The following PDPR variants were observed in gnomAD, a reference collection of about 807,000 sequenced individuals.
The protein encoded by PDPR is pyruvate dehydrogenase phosphatase regulatory subunit.
Under a neutral mutation model 102.2 loss-of-function variants are expected in PDPR, and 50 were observed. That is an observed-to-expected ratio of 0.49 (90% confidence interval 0.39 to 0.62). The LOEUF is 0.62. PDPR is among the 20% of genes least tolerant of loss of function. The pLI is 0.00. For missense variants in PDPR, 625 were observed against 1,098.2 expected (o/e 0.57, Z 6.09); for synonymous variants, 259 against 406.0 (o/e 0.64, Z 4.35).
In PDPR at chr16:70,156,948, C is replaced by A; in HGVS notation, c.*69C>A. ...GAGTGGGCGTCACCTTGGAGCTTCTCTTCCTTCCGCCTCTGTTCCTCTTCT... is the reference window on the plus strand; with the variant it reads ...GAGTGGGCGTCACCTTGGAGCTTCTATTCCTTCCGCCTCTGTTCCTCTTCT... On this transcript the variant is annotated 3_prime_UTR_variant, in exon 19 of 19. Coordinates refer to ENST00000288050, the MANE Select transcript of PDPR (RefSeq NM_017990.5). 4.5e-6 allele frequency: 7 copies of A among 1,556,918 alleles called. No individual in the cohort carries two copies. Among genetic ancestry groups the A allele is most frequent in the Non-Finnish European group, 6.1e-6 (7 of 1,144,132 alleles).
intron 3 of PDPR, among the ~76,000 whole-genome samples, chr16:70,123,380 G>C (rs1386332758): frequency 6.6e-6 from 1 of 152,202 alleles, no homozygotes; most frequent in Non-Finnish European, 1.5e-5. Flanking sequence ...GGGACTACAG[G>C]CATGCACTAC....
At chr16:70,119,189 A>G (rs1310737427) in intron 2 of PDPR, among the ~76,000 whole-genome samples, 9 of 152,182 alleles carry the variant, frequency 5.9e-5, no homozygotes, top group Admixed American at 1.3e-4. Context: ...GTCCAAGGGC[A>G]GTGGTTCATG....
At position 70,162,112 on chromosome 16, in the gene PDPR, C is replaced by G. The variant is rs1458839090; in HGVS notation, c.*5233C>G. 1 of 152,428 alleles carries G rather than the reference C, an allele frequency of 6.6e-6. No homozygotes were observed. Among genetic ancestry groups the G allele is most frequent in the African/African-American group, 2.4e-5 (1 of 41,458 alleles). 9.4% of individuals were successfully genotyped at this position (152,428 alleles called of 1,614,324 possible). ...TCGGTGTGTGGGTTCCCATCCGCCCCACATAGCCTCTCCTTCTTCGGAACA... is the reference window on the plus strand; with the variant it reads ...TCGGTGTGTGGGTTCCCATCCGCCCGACATAGCCTCTCCTTCTTCGGAACA... On this transcript the variant is annotated 3_prime_UTR_variant, in exon 19 of 19. Coordinates refer to ENST00000288050, the MANE Select transcript of PDPR (RefSeq NM_017990.5).
chr16:70,120,526 A>G lies in PDPR; in HGVS notation c.34A>G (p.Arg12Gly). The change falls in exon 3 of 19, where the codon AGA (arginine) becomes GGA (glycine). Residue 12 changes from arginine to glycine, a missense_variant. By Grantham distance (125) the Arg-to-Gly change is moderately radical. Coordinates refer to ENST00000288050, the MANE Select transcript of PDPR (RefSeq NM_017990.5). ...MFYRLLSIVG[R>G]QRASPGWQNW... ...CTACCGGTTGCTGTCGATTGTTGGAAGACAAAGAGCCAGCCCAGGATGGCA... is the reference window on the plus strand; with the variant it reads ...CTACCGGTTGCTGTCGATTGTTGGAGGACAAAGAGCCAGCCCAGGATGGCA... The G allele has an allele frequency of 1.2e-6, 2 of 1,614,010 alleles. No individual in the cohort carries two copies. The highest frequency in any genetic ancestry group is 1.7e-6 in the Non-Finnish European group (2 of 1,179,888).
intron 6 of PDPR, 106 bp downstream of exon 6, chr16:70,129,228 T>C (rs1452272597): frequency 6.2e-7 from 1 of 1,608,044 alleles, no homozygotes; most frequent in East Asian, 2.2e-5. Context: ...GGAAAGATTA[T>C]CCTCTTTGGG....
At position 70,148,619 on chromosome 16, in the gene PDPR, C is replaced by A. The variant is rs553755624; in HGVS notation, c.2052+66C>A. 2.5e-4 allele frequency: 356 copies of A among 1,408,970 alleles called. No individual in the cohort carries two copies. The African/African-American group carries it at 3.9e-3, about 15-fold the overall frequency. The allele number at this position is 1,408,970 out of a possible 1,614,324, so 87.3% of individuals were successfully genotyped here. On this transcript the variant is annotated intron_variant, in intron 17 of 18. Coordinates refer to ENST00000288050, the MANE Select transcript of PDPR (RefSeq NM_017990.5). Reference sequence around the variant, plus strand: ...TCCCTTCCCTTCCCTTCCCTTCCCACAACCACTGTGGGGTGCCAGTGCTCC... The same window carrying A: ...TCCCTTCCCTTCCCTTCCCTTCCCAAAACCACTGTGGGGTGCCAGTGCTCC...
chr16:70,153,594 C>CCACTTT, intron 18 of PDPR, 21 bp downstream of exon 18: 1 of 1,576,768 alleles, frequency 6.3e-7, no homozygotes, highest in Non-Finnish European at 8.6e-7. Context: ...TACCCAGACT[C>CCACTTT]CACTTTCACT....
At chr16:70,128,135 T>C (rs1964162912) in intron 4 of PDPR, among the ~76,000 whole-genome samples, 1 of 152,230 alleles carries the variant, frequency 6.6e-6, no homozygotes, top group Admixed American at 6.5e-5. Flanking sequence ...TGCCAGGGAT[T>C]ACACTCCCCC....
Position 70,153,415 on chromosome 16 carries a change from G to T in PDPR, c.2077G>T (p.Val693Leu). ...GTACGCCCTGCATGTATACAATGAA[G>T]TGATGAGTGTTGGCCAGAAATACGG... ...IEYALHVYNE[V>L]MSVGQKYGIR... Residue 693 changes from valine to leucine, a missense_variant, in exon 18 of 19, where the codon GTG (valine) becomes TTG (leucine). By Grantham distance (32) the Val-to-Leu change is conservative. Coordinates refer to ENST00000288050, the MANE Select transcript of PDPR (RefSeq NM_017990.5). 1.9e-6 allele frequency: 3 copies of T among 1,613,858 alleles called. No individual in the cohort carries two copies. The South Asian group carries it at 3.3e-5, about 18-fold the overall frequency.
intron 16 of PDPR, 22 bp downstream of exon 16, chr16:70,146,250 T>A: frequency 6.2e-7 from 1 of 1,613,680 alleles, no homozygotes; most frequent in Non-Finnish European, 8.5e-7. Context: ...TAAAGTTCTG[T>A]TTCTTAAATG....
chr16:70,120,207 G>A (rs556416595), intron 2 of PDPR: 30 of 354,470 alleles, frequency 8.5e-5, no homozygotes, highest in East Asian at 3.9e-4. Context: ...GAGCCACTGC[G>A]CCCAGCCTAA....
At chr16:70,127,716 AAG>A (rs1964119911) in intron 4 of PDPR, among the ~76,000 whole-genome samples, 1 of 152,286 alleles carries the variant, frequency 6.6e-6, no homozygotes, top group African/African-American at 2.4e-5. Context: ...CATAAGAATT[AAG>A]AGTCATTGCA....
intron 3 of PDPR, among the ~76,000 whole-genome samples, chr16:70,124,495 C>T (rs1387481548): frequency 4.6e-5 from 7 of 152,284 alleles, no homozygotes; most frequent in African/African-American, 1.7e-4. Context: ...TCTGTCTGCA[C>T]ATTAGAATCA....
chr16:70,116,821 C>T (rs1429317887), intron 2 of PDPR, among the ~76,000 whole-genome samples: 3 of 151,990 alleles, frequency 2.0e-5, no homozygotes, highest in Admixed American at 6.6e-5. Flanking sequence ...AGATAACAGG[C>T]GTGAGACATG....
chr16:70,144,256 G>A (rs1966027723), intron 14 of PDPR, among the ~76,000 whole-genome samples, 165 bp from the exon 15 acceptor site: 1 of 147,498 alleles, frequency 6.8e-6, no homozygotes, highest in Non-Finnish European at 1.5e-5. Context: ...ATTTTGTTTT[G>A]TTGTTAGGTG....
At chr16:70,128,090 G>C (rs533630710) in intron 4 of PDPR, among the ~76,000 whole-genome samples, 1 of 152,388 alleles carries the variant, frequency 6.6e-6, no homozygotes, top group South Asian at 2.1e-4. Context: ...GGGAGAATCC[G>C]ACCCTTGGTA....
intron 17 of PDPR, among the ~76,000 whole-genome samples, chr16:70,150,199 G>A (rs1439771785): frequency 6.6e-6 from 1 of 150,520 alleles, no homozygotes; most frequent in African/African-American, 2.4e-5. Context: ...TGCCTCCCGG[G>A]TTCAAGTGAT....
chr16:70,130,155 T>C (rs1212725818), intron 6 of PDPR, among the ~76,000 whole-genome samples: 1 of 152,268 alleles, frequency 6.6e-6, no homozygotes, highest in East Asian at 1.9e-4. Flanking sequence ...TAGCCGGGCA[T>C]GGTGGTGCAT....
chr16:70,129,834 C>T (rs1285458867), intron 6 of PDPR, among the ~76,000 whole-genome samples: 1 of 152,272 alleles, frequency 6.6e-6, no homozygotes, highest in African/African-American at 2.4e-5. Flanking sequence ...GCACTTAAGG[C>T]GCACTATTTA....
Sources: gnomAD v4.1 joint callset for allele counts (sites outside exome capture counted in the v4.1 genomes callset) on GRCh38, gnomAD v4.1.1 for gene constraint, MANE v1.5 for transcripts, NCBI Gene and HGNC (gene_info 2026-07-23, HGNC 2026-07-21) for gene names.